Variants in CNTNAP2 observed in about 807,000 individuals in gnomAD.
CNTNAP2 encodes contactin associated protein 2.
A neutral mutation model predicts 155.2 loss-of-function variants in CNTNAP2; 98 were observed. The ratio of observed to expected loss-of-function variants is 0.63; its 90% CI spans 0.54 to 0.75. The LOEUF (loss-of-function observed/expected upper bound fraction) is 0.75. Ranked by LOEUF, CNTNAP2 falls within the 30% of genes least tolerant of loss-of-function variation. The pLI is 0.00. For synonymous variants in CNTNAP2, 651 were observed against 631.2 expected, an observed-to-expected ratio of 1.03 and a Z score of -0.47; for missense variants, 1,727 against 1,688.1, an observed-to-expected ratio of 1.02 and a Z score of -0.40.
At chr7:147,634,596 TG>T (rs1563031804) in intron 12 of CNTNAP2, among the ~76,000 whole-genome samples, 1 of 151,796 alleles carries the variant, frequency 6.6e-6, no homozygotes, top group East Asian at 1.9e-4. Context: ...AATACTGAAA[TG>T]AAATAAAAAT....
chr7:146,406,689 G>A (rs1192001532), intron 1 of CNTNAP2, among the ~76,000 whole-genome samples: 2 of 152,130 alleles, frequency 1.3e-5, no homozygotes, highest in Non-Finnish European at 2.9e-5. Flanking sequence ...GCATCACACA[G>A]AGGGGACTAC....
At chr7:148,033,318 A>G (rs1198623501) in intron 15 of CNTNAP2, among the ~76,000 whole-genome samples, 9 of 151,772 alleles carry the variant, frequency 5.9e-5, no homozygotes, top group Non-Finnish European at 1.3e-4. Flanking sequence ...ATCTCCAGAG[A>G]CACATTTTTA....
intron 9 of CNTNAP2, among the ~76,000 whole-genome samples, chr7:147,329,417 A>G (rs1795517341): frequency 6.6e-6 from 1 of 152,080 alleles, no homozygotes; most frequent in Non-Finnish European, 1.5e-5. Context: ...AATTTATAAG[A>G]ATGATAAAAG....
At chr7:146,376,081 A>T (rs181199349) in intron 1 of CNTNAP2, among the ~76,000 whole-genome samples, 8 of 152,174 alleles carry the variant, frequency 5.3e-5, no homozygotes, top group Non-Finnish European at 1.2e-4. Context: ...CCCCAGTAAG[A>T]TAGGGTTCCC....
intron 20 of CNTNAP2, among the ~76,000 whole-genome samples, chr7:148,240,136 A>G (rs932738492): frequency 2.0e-5 from 3 of 152,220 alleles, no homozygotes; most frequent in Admixed American, 6.5e-5. Flanking sequence ...ACTTTAATCA[A>G]AATAACTTTG....
intron 13 of CNTNAP2, among the ~76,000 whole-genome samples, chr7:147,809,289 C>G (rs56123207): frequency 0.014 from 2,167 of 152,340 alleles, 59 homozygotes; most frequent in African/African-American, 0.049. Context: ...CTCCCTGGCC[C>G]TCAGCTTCCC....
At position 147,977,917 on chromosome 7, in the gene CNTNAP2, G is replaced by A. The variant is rs767385296; in HGVS notation, c.2311G>A (p.Val771Met). ...AGATCACCTGCCAGTGAGCCAAGTGGTGGTTGGAGATACTGACCGTCAAGG... is the reference window on the plus strand; with the variant it reads ...AGATCACCTGCCAGTGAGCCAAGTGATGGTTGGAGATACTGACCGTCAAGG... ...YKDHLPVSQV[V>M]VGDTDRQGSE... Residue 771 changes from valine to methionine, a missense_variant, in exon 15 of 24, where the codon GTG becomes ATG. Coordinates refer to ENST00000361727, the MANE Select transcript of CNTNAP2 (RefSeq NM_014141.6). 1.2e-6 allele frequency: 2 copies of A among 1,614,136 alleles called. No homozygotes were observed. Among genetic ancestry groups the A allele is most frequent in the Non-Finnish European group, 1.7e-6 (2 of 1,180,014 alleles).
chr7:148,129,323 C>T (rs967466038), intron 16 of CNTNAP2, among the ~76,000 whole-genome samples: 1 of 152,162 alleles, frequency 6.6e-6, no homozygotes, highest in African/African-American at 2.4e-5. Context: ...GACGGTATGT[C>T]CTGATTTCTT....
chr7:146,409,635 A>T (rs1298854792), intron 1 of CNTNAP2, among the ~76,000 whole-genome samples: 1 of 152,182 alleles, frequency 6.6e-6, no homozygotes, highest in African/African-American at 2.4e-5. Flanking sequence ...TAAATTTGTT[A>T]GCTTTTCTAA....
intron 10 of CNTNAP2, among the ~76,000 whole-genome samples, chr7:147,437,157 C>T (rs1797563298): frequency 6.6e-6 from 1 of 151,762 alleles, no homozygotes. Flanking sequence ...AAGAAGCCAA[C>T]ACCAGAGGGA....
At chr7:146,527,603 A>G (rs1450326230) in intron 1 of CNTNAP2, among the ~76,000 whole-genome samples, 1 of 151,572 alleles carries the variant, frequency 6.6e-6, no homozygotes, top group South Asian at 2.1e-4. Flanking sequence ...TGCATGTCAC[A>G]TTTGAGGAAT....
chr7:147,999,626 G>A (rs1801863302), intron 15 of CNTNAP2, among the ~76,000 whole-genome samples: 1 of 152,138 alleles, frequency 6.6e-6, no homozygotes, highest in African/African-American at 2.4e-5. Flanking sequence ...ATATGATCTT[G>A]TAGGAAATAG....
chr7:147,432,821 C>T (rs1276462512), intron 10 of CNTNAP2, among the ~76,000 whole-genome samples: 2 of 152,214 alleles, frequency 1.3e-5, no homozygotes, highest in East Asian at 3.8e-4. Context: ...AGAGGCCTTT[C>T]CTAAACCCCA....
At chr7:147,438,877 A>T (rs1462891085) in intron 10 of CNTNAP2, among the ~76,000 whole-genome samples, 4 of 151,994 alleles carry the variant, frequency 2.6e-5, no homozygotes, top group African/African-American at 9.7e-5. Context: ...ATTTATTGAC[A>T]TATAGTTGCT....
At chr7:146,815,433 A>G (rs1803147121) in intron 2 of CNTNAP2, among the ~76,000 whole-genome samples, 1 of 152,126 alleles carries the variant, frequency 6.6e-6, no homozygotes. Context: ...ATTTGACTTA[A>G]TGATCTCTAT....
At chr7:147,465,756 C>T (rs1268632065) in intron 10 of CNTNAP2, among the ~76,000 whole-genome samples, 2 of 152,088 alleles carry the variant, frequency 1.3e-5, no homozygotes, top group Non-Finnish European at 2.9e-5. Flanking sequence ...TCCAGTGCCC[C>T]AAAGTCATGG....
chr7:148,260,194 C>G (rs964103795), intron 20 of CNTNAP2, among the ~76,000 whole-genome samples: 2 of 152,136 alleles, frequency 1.3e-5, no homozygotes, highest in African/African-American at 4.8e-5. Flanking sequence ...AAAGTATTTT[C>G]TCTTTTAAAT....
In CNTNAP2 at chr7:147,152,487, T is replaced by A. The variant is rs1248995646; in HGVS notation, c.1348+19978T>A. 2.6e-5 allele frequency among the ~76,000 whole-genome samples: 4 copies of A among 152,006 alleles called. No homozygotes were observed. The East Asian group carries it at 7.7e-4, about 29-fold the overall frequency. On this transcript the variant is annotated intron_variant, in intron 8 of 23. Coordinates refer to ENST00000361727, the MANE Select transcript of CNTNAP2 (RefSeq NM_014141.6). ...TCCTAGGCTAGCTATAAGAATTAAG[T>A]GTGAAATGATTAGGAGGGTAAGTGG...
intron 18 of CNTNAP2, among the ~76,000 whole-genome samples, chr7:148,216,169 C>T (rs1002174524): frequency 2.6e-5 from 4 of 152,122 alleles, no homozygotes; most frequent in South Asian, 2.1e-4. Flanking sequence ...GCAGGGAGAC[C>T]GGCAACAGGA....
Sources: gnomAD v4.1 joint callset for allele counts (sites outside exome capture counted in the v4.1 genomes callset) on GRCh38, gnomAD v4.1.1 for gene constraint, MANE v1.5 for transcripts, NCBI Gene and HGNC (gene_info 2026-07-23, HGNC 2026-07-21) for gene names.